Variants in DMXL2 observed in about 807,000 individuals in gnomAD.
The protein encoded by DMXL2 is dmX-like protein 2.
DMXL2 carries 103 observed loss-of-function variants against 331.1 expected under a neutral mutation model. The ratio of observed to expected loss-of-function variants is 0.31; its 90% CI spans 0.27 to 0.37. DMXL2 has a LOEUF of 0.37. DMXL2 is among the 10% of genes least tolerant of loss of function. The pLI is 1.00. For missense variants in DMXL2, 3,171 were observed against 3,642.9 expected (o/e 0.87, Z 3.33); for synonymous variants, 1,281 against 1,252.1 (o/e 1.02, Z -0.49).
At position 51,456,329 on chromosome 15, in the gene DMXL2, G is replaced by A. The variant is rs1280662465; in HGVS notation, c.8378C>T (p.Ser2793Leu). The A allele has an allele frequency of 6.3e-7, 1 of 1,598,400 alleles. No individual in the cohort carries two copies. Among genetic ancestry groups the A allele is most frequent in the African/African-American group, 1.4e-5 (1 of 73,774 alleles). ...RNLHNVKRMT[S>L]HPVHQYYLTG... ...CTTACAGTATTGATGGACTGGGTGT[G>A]AAGTCATTCTCTTAACATTATGTAG... The change falls in exon 38 of 44, where the codon TCA (serine) becomes TTA (leucine). Residue 2793 changes from serine to leucine, a missense_variant. Physicochemically the swap from Ser to Leu is moderately radical, Grantham distance 145. Around this residue, in one of 7 missense-constraint regions of DMXL2, gnomAD observed 766 missense variants for 940.5 expected, o/e 0.81. Transcript: ENST00000560891.
At chr15:51,548,829 AAT>A (rs1204401293) in intron 6 of DMXL2, among the ~76,000 whole-genome samples, 5 of 152,172 alleles carry the variant, frequency 3.3e-5, no homozygotes, top group Non-Finnish European at 7.4e-5. Flanking sequence ...GAAATTTTAA[AAT>A]ATGTTGAAAA....
intron 1 of DMXL2, among the ~76,000 whole-genome samples, chr15:51,598,862 T>C (rs1329236762): frequency 6.6e-6 from 1 of 152,218 alleles, no homozygotes; most frequent in African/African-American, 2.4e-5. Flanking sequence ...AATTAATAAG[T>C]ATACTGTGGG....
Position 51,545,870 on chromosome 15 carries a change from C to CT in DMXL2, c.747-105dup, listed in dbSNP as rs1412684907. ...ATAAAGATAACATTAGTGCAAAACA[C>CT]TATGGAAAAAAGGAATCAATCAAAG... On this transcript the variant is annotated intron_variant, in intron 7 of 43. Coordinates refer to ENST00000560891, the MANE Select transcript of DMXL2 (RefSeq NM_001378457.1). The CT allele has an allele frequency of 1.9e-4, 165 of 882,376 alleles. No homozygotes were observed. In the East Asian group the frequency reaches 4.2e-3, roughly 22 times the overall value. 54.7% of individuals were successfully genotyped at this position (882,376 alleles called of 1,614,324 possible).
intron 14 of DMXL2, among the ~76,000 whole-genome samples, chr15:51,515,062 G>A (rs1369361858): frequency 6.6e-6 from 1 of 152,068 alleles, no homozygotes; most frequent in African/African-American, 2.4e-5. Flanking sequence ...TCTGTCTAGT[G>A]GGAATTATGA....
intron 25 of DMXL2, among the ~76,000 whole-genome samples, chr15:51,479,343 T>C (rs1183518922): frequency 2.6e-5 from 4 of 152,156 alleles, no homozygotes; most frequent in African/African-American, 9.7e-5. Flanking sequence ...ACAAATACAC[T>C]CAGGCTGGGA....
chr15:51,538,296 T>A lies in DMXL2; in HGVS notation c.1262A>T (p.His421Leu), dbSNP rs752304609. 6 of 1,613,742 alleles carry A rather than the reference T, an allele frequency of 3.7e-6. No individual in the cohort carries two copies. The African/African-American group carries it at 8.0e-5, about 22-fold the overall frequency. ...LRKLSDKQVD[H>L]ENDDADREDE... The stretch of plus-strand genomic sequence containing the variant: ...TTCTCTATCTGCATCATCATTTTCA[T>A]GATCTACCTGCTTATCAGAAAGTTT... Residue 421 changes from histidine to leucine, a missense_variant, in exon 10 of 44, where the codon CAT (histidine) becomes CTT (leucine). Coordinates refer to ENST00000560891, the MANE Select transcript of DMXL2 (RefSeq NM_001378457.1).
intron 32 of DMXL2, among the ~76,000 whole-genome samples, chr15:51,464,059 T>A (rs1159960005): frequency 6.6e-6 from 1 of 152,170 alleles, no homozygotes; most frequent in African/African-American, 2.4e-5. Context: ...AAGCACCTTA[T>A]TTGCATATAT....
chr15:51,457,612 C>T (rs181222510), intron 36 of DMXL2, 146 bp from the exon 37 acceptor site: 26 of 897,232 alleles, frequency 2.9e-5, no homozygotes, highest in African/African-American at 1.7e-4. Flanking sequence ...AAGTCCTAAT[C>T]GCCAATGTTA....
chr15:51,456,330 A>C lies in DMXL2; in HGVS notation c.8377T>G (p.Ser2793Ala). 1 of 1,598,466 alleles carries C rather than the reference A, an allele frequency of 6.3e-7. No homozygotes were observed. The highest frequency in any genetic ancestry group is 8.5e-7 in the Non-Finnish European group (1 of 1,174,200). Residue 2793 changes from serine to alanine, a missense_variant, in exon 38 of 44, where the codon TCA (serine) becomes GCA (alanine). Around this residue, in one of 7 missense-constraint regions of DMXL2, gnomAD observed 766 missense variants for 940.5 expected, o/e 0.81. Coordinates refer to ENST00000560891, the MANE Select transcript of DMXL2 (RefSeq NM_001378457.1). Reference sequence around the variant, plus strand: ...TTACAGTATTGATGGACTGGGTGTGAAGTCATTCTCTTAACATTATGTAGA... The same window carrying C: ...TTACAGTATTGATGGACTGGGTGTGCAGTCATTCTCTTAACATTATGTAGA... ...RNLHNVKRMT[S>A]HPVHQYYLTG...
At chr15:51,450,584 A>G (rs544957655) in intron 42 of DMXL2, 21 of 491,894 alleles carry the variant, frequency 4.3e-5, no homozygotes, top group African/African-American at 3.5e-4. Context: ...AGAGAAAAAG[A>G]AAGTTTAAAC....
rs201138302 is a variant in DMXL2 at position 51,499,657 on chromosome 15, C to T, written c.3567G>A (p.Ala1189=). Residue 1189 remains alanine (A), a synonymous_variant, in exon 18 of 44, where the codon GCG becomes GCA. Coordinates refer to ENST00000560891, the MANE Select transcript of DMXL2 (RefSeq NM_001378457.1). ...AAAGCCTTCCATACATGAAGATATT[C>T]GCACCGACTCCCACTGTAAGAATGT... is the stretch of plus-strand genomic sequence containing the variant. ...GSHILTVGVG[A]NIFMYGRLSG... is the part of the protein sequence containing the mutation. 340 of 1,613,988 alleles carry T rather than the reference C, an allele frequency of 2.1e-4. 1 individual carries two copies. The highest frequency in any genetic ancestry group is 3.3e-4 in the Middle Eastern group (2 of 6,062).
At chr15:51,611,804 G>A (rs561409742) in intron 1 of DMXL2, among the ~76,000 whole-genome samples, 11 of 152,180 alleles carry the variant, frequency 7.2e-5, no homozygotes, top group East Asian at 3.9e-4. Flanking sequence ...ACCAATCAGC[G>A]CTCTGTAAAA....
intron 43 of DMXL2, among the ~76,000 whole-genome samples, chr15:51,449,726 A>G (rs1290275751): frequency 6.6e-6 from 1 of 152,152 alleles, no homozygotes; most frequent in Non-Finnish European, 1.5e-5. Flanking sequence ...TTGGGACATA[A>G]TCCCACCATA....
At chr15:51,495,165 A>G (rs750389469) in intron 18 of DMXL2, 31 bp from the exon 19 acceptor site, 1 of 1,455,228 alleles carries the variant, frequency 6.9e-7, no homozygotes, top group Non-Finnish European at 9.6e-7. Context: ...ATGTTTAAGG[A>G]AAAAAGAATG....
In DMXL2 at chr15:51,488,120, C is replaced by T; in HGVS notation, c.5052-1G>A. The T allele has an allele frequency of 6.3e-7, 1 of 1,596,676 alleles. No homozygotes were observed. Among genetic ancestry groups the T allele is most frequent in the Non-Finnish European group, 8.5e-7 (1 of 1,172,572 alleles). On this transcript the variant is annotated splice_acceptor_variant, in intron 21 of 43. Transcript: ENST00000560891. LOFTEE classifies it high-confidence loss of function. Reference sequence around the variant, plus strand: ...TGTCATTTTTTCATCATGCTGTGACCTGGGGACCGAGCATAAACATAAAGT... The same window carrying T: ...TGTCATTTTTTCATCATGCTGTGACTTGGGGACCGAGCATAAACATAAAGT...
At chr15:51,597,226 G>T (rs2052888060) in intron 1 of DMXL2, among the ~76,000 whole-genome samples, 1 of 152,116 alleles carries the variant, frequency 6.6e-6, no homozygotes, top group South Asian at 2.1e-4. Context: ...CACCACCCAA[G>T]AAGAGAAGAG....
chr15:51,576,136 C>G lies in DMXL2; in HGVS notation c.133G>C (p.Glu45Gln), dbSNP rs758693529. Residue 45 changes from glutamate to glutamine, a missense_variant, in exon 2 of 44, where the codon GAA becomes CAA. This residue lies in a region of DMXL2 where 1,674 missense variants were observed against 1,780.2 expected (regional missense o/e 0.94). Transcript: ENST00000560891. Reference protein sequence around the residue: ...CDIVILANDFECVQIIPGAKH... With the variant: ...CDIVILANDFQCVQIIPGAKH... ...GCACCAGGAATGATCTGTACACATT[C>G]AAAGTCATTTGCCAAAATAACAATA... 1 of 1,314,880 alleles carries G rather than the reference C, an allele frequency of 7.6e-7. No homozygotes were observed. The highest frequency in any genetic ancestry group is 1.2e-5 in the South Asian group (1 of 83,158). The allele number at this position is 1,314,880 out of a possible 1,614,324, so 81.5% of individuals were successfully genotyped here.
intron 15 of DMXL2, among the ~76,000 whole-genome samples, chr15:51,507,542 AC>A (rs2046480230): frequency 6.6e-6 from 1 of 152,186 alleles, no homozygotes; most frequent in African/African-American, 2.4e-5. Context: ...ATTTGTTAAA[AC>A]GTATTTATCC....
chr15:51,547,136 T>C (rs2048932446), intron 7 of DMXL2, 94 bp downstream of exon 7: 1 of 1,139,284 alleles, frequency 8.8e-7, no homozygotes, highest in African/African-American at 1.6e-5. Flanking sequence ...CCTATGCTAT[T>C]AATTGCCACC....
Sources: allele counts gnomAD v4.1 joint callset (sites outside exome capture counted in the v4.1 genomes callset), GRCh38; gene constraint gnomAD v4.1.1; regional missense constraint gnomAD v4.1.1; transcripts MANE v1.5; gene names NCBI Gene and HGNC (gene_info 2026-07-23, HGNC 2026-07-21).